GALNT17: variants seen among roughly 807,000 people sequenced by gnomAD.
The protein encoded by GALNT17 is polypeptide N-acetylgalactosaminyltransferase 17, also known as UDP-GalNAc:polypeptide N-acetylgalactosaminyltransferase-like 3.
A neutral mutation model predicts 63.7 loss-of-function variants in GALNT17; 29 were observed. The ratio of observed to expected loss-of-function variants is 0.46; its 90% CI spans 0.34 to 0.62. The LOEUF is 0.62. GALNT17 is among the 20% of genes least tolerant of loss of function. The pLI is 0.01. For synonymous variants in GALNT17, 305 were observed against 318.3 expected (o/e 0.96, Z 0.45); for missense variants, 603 against 799.6 (o/e 0.75, Z 2.97).
At chr7:71,662,332 A>ATCTATCTATCTATCTATCTG (rs147810329) in intron 6 of GALNT17, among the ~76,000 whole-genome samples, 2 of 151,110 alleles carry the variant, frequency 1.3e-5, no homozygotes, top group Non-Finnish European at 3.0e-5. Context: ...CTATCTATCT[A>ATCTATCTATCTATCTATCTG]TCTGTCTGTC....
At chr7:71,355,265 A>G (rs1479952459) in intron 2 of GALNT17, among the ~76,000 whole-genome samples, 1 of 152,054 alleles carries the variant, frequency 6.6e-6, no homozygotes, top group Non-Finnish European at 1.5e-5. Flanking sequence ...TCCTTTCTGA[A>G]AAGCATTCTA....
At chr7:71,385,981 C>A (rs1178649057) in intron 2 of GALNT17, among the ~76,000 whole-genome samples, 1 of 152,192 alleles carries the variant, frequency 6.6e-6, no homozygotes, top group Non-Finnish European at 1.5e-5. Flanking sequence ...GCAGGCAGAT[C>A]ACCTCAGGCC....
intron 3 of GALNT17, among the ~76,000 whole-genome samples, chr7:71,391,251 T>C (rs765601792): frequency 6.6e-6 from 1 of 151,930 alleles, no homozygotes; most frequent in Non-Finnish European, 1.5e-5. Context: ...TCGGGCTGGA[T>C]TGGGGTGAAG....
intron 1 of GALNT17, among the ~76,000 whole-genome samples, chr7:71,172,627 G>A (rs755997828): frequency 1.8e-4 from 28 of 152,240 alleles, no homozygotes; most frequent in Non-Finnish European, 3.4e-4. Flanking sequence ...AGAAGACACC[G>A]TAAGGACCAC....
intron 9 of GALNT17, among the ~76,000 whole-genome samples, chr7:71,678,312 G>T (rs910254992): frequency 1.3e-5 from 2 of 151,662 alleles, no homozygotes; most frequent in Admixed American, 1.3e-4. Flanking sequence ...TTTCAGTAGA[G>T]ACGGGGTTTC....
intron 1 of GALNT17, among the ~76,000 whole-genome samples, chr7:71,154,642 T>A (rs1788198645): frequency 6.6e-6 from 1 of 152,182 alleles, no homozygotes; most frequent in South Asian, 2.1e-4. Flanking sequence ...GGTGGCACGA[T>A]CTCGGCTCAC....
chr7:71,150,897 G>A (rs1435135312), intron 1 of GALNT17, among the ~76,000 whole-genome samples: 6 of 150,588 alleles, frequency 4.0e-5, no homozygotes, highest in Admixed American at 4.0e-4. Flanking sequence ...TCCCAGCTAC[G>A]TGGGAGGTTG....
At chr7:71,692,514 C>T (rs754786777) in intron 9 of GALNT17, among the ~76,000 whole-genome samples, 34 of 152,062 alleles carry the variant, frequency 2.2e-4, no homozygotes, top group Non-Finnish European at 3.5e-4. Context: ...CTCAGCAGAG[C>T]GATGCAGAAC....
At chr7:71,567,656 G>T (rs184051377) in intron 5 of GALNT17, among the ~76,000 whole-genome samples, 27 of 152,212 alleles carry the variant, frequency 1.8e-4, no homozygotes, top group Non-Finnish European at 2.9e-4. Flanking sequence ...GTAGAGACGG[G>T]GTGTCACCAT....
rs137937183 is a variant in GALNT17, at chr7:71,308,187, G to A, written c.239-27363G>A. On this transcript the variant is annotated intron_variant, in intron 1 of 10. Coordinates refer to ENST00000333538, the MANE Select transcript of GALNT17 (RefSeq NM_022479.3). The stretch of plus-strand genomic sequence containing the variant: ...ATTTAGGAATGGCACTATTCTTGTC[G>A]TGGTGACTCACATTTGTCAAGCCTT... 1.1e-4 allele frequency among the ~76,000 whole-genome samples: 16 copies of A among 152,202 alleles called. No homozygotes were observed. In the East Asian group the frequency reaches 2.5e-3, roughly 24 times the overall value.
In GALNT17 at chr7:71,562,814, G is replaced by A; in HGVS notation, c.963-8471G>A. 1.3e-5 allele frequency among the ~76,000 whole-genome samples: 2 copies of A among 152,142 alleles called. 1 individual carries two copies. Among genetic ancestry groups the A allele is most frequent in the Middle Eastern group, 6.3e-3 (2 of 316 alleles). On this transcript the variant is annotated intron_variant, in intron 5 of 10. Coordinates refer to ENST00000333538, the MANE Select transcript of GALNT17 (RefSeq NM_022479.3). Reference sequence around the variant, plus strand: ...GAGTAGCCAGGCGAAAGGATCTATAGGGTTGATGGCTGGAAAGGAATTAAG... The same window carrying A: ...GAGTAGCCAGGCGAAAGGATCTATAAGGTTGATGGCTGGAAAGGAATTAAG...
At chr7:71,160,277 A>G (rs1205864548) in intron 1 of GALNT17, among the ~76,000 whole-genome samples, 1 of 152,194 alleles carries the variant, frequency 6.6e-6, no homozygotes, top group Non-Finnish European at 1.5e-5. Flanking sequence ...TGTTCCCTTA[A>G]CATTTTAATA....
At chr7:71,218,758 G>C (rs1315495129) in intron 1 of GALNT17, among the ~76,000 whole-genome samples, 1 of 152,004 alleles carries the variant, frequency 6.6e-6, no homozygotes, top group Non-Finnish European at 1.5e-5. Context: ...TGTGAACTGT[G>C]CATGTGAGGG....
intron 5 of GALNT17, among the ~76,000 whole-genome samples, chr7:71,553,710 A>G (rs1428540957): frequency 6.6e-6 from 1 of 152,228 alleles, no homozygotes; most frequent in Non-Finnish European, 1.5e-5. Flanking sequence ...CTTGCTCTCC[A>G]GCCCTCGTGT....
Position 71,408,745 on chromosome 7 carries a change from T to C in GALNT17, c.590-7144T>C, listed in dbSNP as rs188844746. On this transcript the variant is annotated intron_variant, in intron 3 of 10. Transcript: ENST00000333538. ...TAAATTAGTTGGGCATGGTGGTGTG[T>C]GCAGGTAGTTCCAGGTACTCAGGAG... is the stretch of plus-strand genomic sequence containing the variant. 1.8e-4 allele frequency among the ~76,000 whole-genome samples: 27 copies of C among 152,052 alleles called. No homozygotes were observed. The East Asian group carries it at 2.9e-3, about 16-fold the overall frequency.
At chr7:71,532,126 C>T (rs1468080793) in intron 5 of GALNT17, among the ~76,000 whole-genome samples, 1 of 152,132 alleles carries the variant, frequency 6.6e-6, no homozygotes, top group East Asian at 1.9e-4. Flanking sequence ...TCTTCCTTCA[C>T]CTCTTGAGAG....
chr7:71,259,566 GA>G (rs935989907), intron 1 of GALNT17, among the ~76,000 whole-genome samples: 36 of 151,962 alleles, frequency 2.4e-4, no homozygotes, highest in African/African-American at 8.7e-4. Flanking sequence ...CATATTAAGA[GA>G]GGGGACATAA....
intron 1 of GALNT17, among the ~76,000 whole-genome samples, chr7:71,229,257 G>A (rs559398149): frequency 6.6e-6 from 1 of 152,198 alleles, no homozygotes; most frequent in African/African-American, 2.4e-5. Context: ...CATCTTTCTG[G>A]CTCAGGCCAC....
intron 5 of GALNT17, among the ~76,000 whole-genome samples, chr7:71,555,635 G>A (rs906939278): frequency 4.0e-5 from 6 of 150,730 alleles, no homozygotes; most frequent in Non-Finnish European, 8.9e-5. Context: ...ATATGTCAGT[G>A]ATTCTCAACC....
Sources: gnomAD v4.1 joint callset for allele counts (sites outside exome capture counted in the v4.1 genomes callset) on GRCh38, gnomAD v4.1.1 for gene constraint, MANE v1.5 for transcripts, NCBI Gene and HGNC (gene_info 2026-07-23, HGNC 2026-07-21) for gene names.